The following PCDHA2 variants were observed in gnomAD, a reference collection of about 807,000 sequenced individuals.
PCDHA2 encodes protocadherin alpha 2.
Under a neutral mutation model 66.0 loss-of-function variants are expected in PCDHA2, and 58 were observed. The observed-to-expected ratio is 0.88, with a 90% CI of 0.71 to 1.09. The LOEUF is 1.09. Among genes scored for constraint, PCDHA2 ranks in the 50% least tolerant of loss-of-function variants. The probability of loss-of-function intolerance (pLI) is 0.00; values close to 1 mark genes in which losing one functional copy is unlikely to be tolerated. For synonymous variants in PCDHA2, 634 were observed against 554.0 expected, an observed-to-expected ratio of 1.14 and a Z score of -2.03; for missense variants, 1,267 against 1,242.3, an observed-to-expected ratio of 1.02 and a Z score of -0.30.
intron 3 of PCDHA2, 115 bp downstream of exon 3, chr5:140,982,678 C>G: frequency 6.9e-7 from 1 of 1,438,900 alleles, no homozygotes; most frequent in East Asian, 2.5e-5. Context: ...TTTGTTATTC[C>G]CTTTTTTCCA....
chr5:140,907,037 A>G (rs2073120356), intron 1 of PCDHA2, among the ~76,000 whole-genome samples: 1 of 152,202 alleles, frequency 6.6e-6, no homozygotes, highest in Non-Finnish European at 1.5e-5. Flanking sequence ...ATAATGTCAC[A>G]GGGACAGTAA....
At chr5:140,807,978 T>A in intron 1 of PCDHA2, 4 of 1,613,852 alleles carry the variant, frequency 2.5e-6, no homozygotes, top group Non-Finnish European at 3.4e-6. Context: ...GTAATTAAAC[T>A]TAACGCCTCA....
chr5:140,967,576 A>T (rs2096159229), intron 1 of PCDHA2: 1 of 1,613,838 alleles, frequency 6.2e-7, no homozygotes, highest in African/African-American at 1.3e-5. Context: ...GGGAGGACTC[A>T]CCCCCAGGCA....
intron 1 of PCDHA2, among the ~76,000 whole-genome samples, chr5:140,911,208 G>A (rs1554194651): frequency 6.6e-6 from 1 of 152,154 alleles, no homozygotes; most frequent in Non-Finnish European, 1.5e-5. Flanking sequence ...TGCCACTACT[G>A]GGGATGAGAA....
chr5:140,829,318 G>A, intron 1 of PCDHA2: 3 of 1,614,246 alleles, frequency 1.9e-6, no homozygotes, highest in Non-Finnish European at 2.5e-6. Context: ...CGTTGGTGCT[G>A]GACAGTGCCC....
intron 1 of PCDHA2, chr5:140,817,666 T>G (rs1766174084): frequency 1.3e-5 from 2 of 152,210 alleles, no homozygotes; most frequent in Non-Finnish European, 2.9e-5. Context: ...TGCCTTTCAA[T>G]TATTTATATG....
chr5:140,985,170 C>T (rs1465909141), intron 3 of PCDHA2, among the ~76,000 whole-genome samples: 12 of 152,168 alleles, frequency 7.9e-5, no homozygotes, highest in African/African-American at 2.9e-4. Flanking sequence ...ATCTCCTGAC[C>T]TCGTAATCCG....
chr5:140,843,740 C>G (rs782492231), intron 1 of PCDHA2: 1 of 1,536,514 alleles, frequency 6.5e-7, no homozygotes, highest in Non-Finnish European at 8.9e-7. Flanking sequence ...ATTTAGAACT[C>G]ATAAATTCTA....
chr5:140,809,609 T>C, intron 1 of PCDHA2: 1 of 1,521,434 alleles, frequency 6.6e-7, no homozygotes, highest in Non-Finnish European at 8.8e-7. Flanking sequence ...ATTTTCGTAT[T>C]GTTTTTCTCT....
intron 1 of PCDHA2, chr5:140,854,737 A>T (rs2043210768): frequency 6.7e-6 from 1 of 149,840 alleles, no homozygotes. Flanking sequence ...TTTTTTCAGC[A>T]GCACAGATAT....
intron 1 of PCDHA2, among the ~76,000 whole-genome samples, chr5:140,886,515 G>A (rs1554182564): frequency 3.9e-5 from 6 of 151,972 alleles, no homozygotes; most frequent in Non-Finnish European, 8.8e-5. Flanking sequence ...TGGATTTTAA[G>A]GTCTGCATAT....
rs576037609 is a variant in PCDHA2, at chr5:140,856,982, A to C, written c.2388+59630A>C. 1.2e-5 allele frequency: 19 copies of C among 1,595,040 alleles called. 1 individual carries two copies. In the South Asian group the frequency reaches 1.9e-4, roughly 16 times the overall value. ...AAATGATGCTATTGACTTTGAGGAC[A>C]GTAACACTTATGAAATTCATGTAGA... is the stretch of plus-strand genomic sequence containing the variant. On this transcript the variant is annotated intron_variant, in intron 1 of 3. Transcript: ENST00000526136.
At chr5:140,932,247 G>A (rs1463272112) in intron 1 of PCDHA2, among the ~76,000 whole-genome samples, 2 of 151,822 alleles carry the variant, frequency 1.3e-5, no homozygotes, top group Non-Finnish European at 3.0e-5. Context: ...ATCTAAGAGG[G>A]TACCTCTGAG....
intron 1 of PCDHA2, chr5:140,854,223 C>A: frequency 1.1e-5 from 7 of 631,586 alleles, no homozygotes; most frequent in Non-Finnish European, 1.2e-5. Flanking sequence ...TGGACATCTA[C>A]ATTGGGATAT....
chr5:140,841,492 G>A (rs2150316650), intron 1 of PCDHA2: 4 of 1,613,200 alleles, frequency 2.5e-6, no homozygotes, highest in Middle Eastern at 1.8e-4. Context: ...TGGAGCTGGC[G>A]GAGCTGGTGC....
At chr5:140,858,533 T>C in intron 1 of PCDHA2, 4 of 1,397,322 alleles carry the variant, frequency 2.9e-6, no homozygotes, top group Non-Finnish European at 4.0e-6. Context: ...TTCATTTTTG[T>C]CTACATTCCA....
chr5:140,926,065 G>A (rs1302106382), intron 1 of PCDHA2, among the ~76,000 whole-genome samples: 3 of 152,176 alleles, frequency 2.0e-5, no homozygotes, highest in Non-Finnish European at 2.9e-5. Context: ...TCCCCTCCTT[G>A]TCGTCTCTAT....
chr5:140,812,398 G>C (rs938741537), intron 1 of PCDHA2: 1 of 151,504 alleles, frequency 6.6e-6, no homozygotes, highest in Non-Finnish European at 1.5e-5. Flanking sequence ...CTAGCTAAGG[G>C]GCTTGTCAGT....
intron 1 of PCDHA2, among the ~76,000 whole-genome samples, chr5:140,827,225 A>G (rs1210832493): frequency 2.6e-5 from 4 of 152,214 alleles, no homozygotes; most frequent in Admixed American, 2.6e-4. Flanking sequence ...AGGAAAGGAT[A>G]TGGGACAGGG....
Sources: gnomAD v4.1 joint callset for allele counts (sites outside exome capture counted in the v4.1 genomes callset) on GRCh38, gnomAD v4.1.1 for gene constraint, MANE v1.5 for transcripts, NCBI Gene and HGNC (gene_info 2026-07-23, HGNC 2026-07-21) for gene names.